The following RALGPS1 variants were observed in gnomAD, a reference collection of about 807,000 sequenced individuals.
RALGPS1 encodes Ral GEF with PH domain and SH3 binding motif 1.
In RALGPS1, 19 loss-of-function variants were observed where a neutral mutation model predicts 78.8. The observed-to-expected ratio is 0.24, with a 90% CI of 0.17 to 0.35. The LOEUF (loss-of-function observed/expected upper bound fraction) is 0.35, where lower values mean the gene tolerates loss of function less well. Among genes scored for constraint, RALGPS1 ranks in the 10% least tolerant of loss-of-function variants. The pLI is 1.00. For synonymous variants in RALGPS1, 228 were observed against 256.3 expected, an observed-to-expected ratio of 0.89 and a Z score of 1.06; for missense variants, 454 against 688.3, an observed-to-expected ratio of 0.66 and a Z score of 3.81.
chr9:127,084,847 A>G (rs1027822860), intron 8 of RALGPS1, among the ~76,000 whole-genome samples: 1 of 152,250 alleles, frequency 6.6e-6, no homozygotes, highest in African/African-American at 2.4e-5. Context: ...AGTGAGGCAG[A>G]AAGAGCGCCT....
chr9:126,954,634 A>T (rs1254038018), intron 1 of RALGPS1, among the ~76,000 whole-genome samples: 1 of 152,110 alleles, frequency 6.6e-6, no homozygotes, highest in Non-Finnish European at 1.5e-5. Context: ...TAAAAATACA[A>T]AAATTAGCCG....
At chr9:127,144,299 T>G (rs939838349) in intron 8 of RALGPS1, among the ~76,000 whole-genome samples, 1 of 152,232 alleles carries the variant, frequency 6.6e-6, no homozygotes, top group South Asian at 2.1e-4. Context: ...CATGGACGAT[T>G]CGTGCAGGAA....
chr9:127,159,799 A>G lies in RALGPS1; in HGVS notation c.611-6270A>G, dbSNP rs1165504657. Among the ~76,000 whole-genome samples the G allele has an allele frequency of 2.6e-5, 4 of 152,208 alleles. No individual in the cohort carries two copies. In the East Asian group the frequency reaches 7.7e-4, roughly 29 times the overall value. ...CATTTGGAATTTATCAGGACAGTTTATGTGATCAAACCACACAAATATAGT... is the reference window on the plus strand; with the variant it reads ...CATTTGGAATTTATCAGGACAGTTTGTGTGATCAAACCACACAAATATAGT... On this transcript the variant is annotated intron_variant, in intron 8 of 18. Coordinates refer to ENST00000259351, the MANE Select transcript of RALGPS1 (RefSeq NM_014636.3).
chr9:127,043,489 C>T (rs1394978945), intron 5 of RALGPS1, among the ~76,000 whole-genome samples: 1 of 150,780 alleles, frequency 6.6e-6, no homozygotes, highest in Non-Finnish European at 1.5e-5. Context: ...AGGTAAAAGA[C>T]AAAACTATAA....
In RALGPS1 at chr9:127,211,990, C is replaced by G; in HGVS notation, c.1248-141C>G. On this transcript the variant is annotated intron_variant, in intron 14 of 18. Coordinates refer to ENST00000259351, the MANE Select transcript of RALGPS1 (RefSeq NM_014636.3). The surrounding 1 kb of genome is among the most constrained non-coding windows in gnomAD (Gnocchi z 5.0). ...TGCGTTATCACCTGGCCCTCCCCTC[C>G]GGGCCTTGCTCTGCGCCGTTAAGTC... 2 of 627,450 alleles carry G rather than the reference C, an allele frequency of 3.2e-6. No individual in the cohort carries two copies. Among genetic ancestry groups the G allele is most frequent in the Non-Finnish European group, 5.4e-6 (2 of 372,858 alleles). 38.9% of individuals were successfully genotyped at this position (627,450 alleles called of 1,614,324 possible).
At chr9:127,053,992 G>C (rs970350623) in intron 7 of RALGPS1, among the ~76,000 whole-genome samples, 11 of 152,306 alleles carry the variant, frequency 7.2e-5, no homozygotes, top group Non-Finnish European at 1.2e-4. Flanking sequence ...TCAGTGCTTC[G>C]TGGAGTCCCA....
At chr9:126,979,948 C>T (rs1252854164) in intron 4 of RALGPS1, among the ~76,000 whole-genome samples, 1 of 152,160 alleles carries the variant, frequency 6.6e-6, no homozygotes, top group African/African-American at 2.4e-5. Context: ...GAAACCTAAT[C>T]AGCCCTATTT....
At chr9:127,197,060 A>G (rs940271680) in intron 13 of RALGPS1, among the ~76,000 whole-genome samples, 1 of 152,296 alleles carries the variant, frequency 6.6e-6, no homozygotes, top group African/African-American at 2.4e-5. Flanking sequence ...CTGGGTTCTC[A>G]CTGCGTACTT....
Position 127,211,077 on chromosome 9 carries a change from A to G in RALGPS1, c.1248-1054A>G, listed in dbSNP as rs1338066140. On this transcript the variant is annotated intron_variant, in intron 14 of 18. Transcript: ENST00000259351. The surrounding 1 kb of genome is among the most constrained non-coding windows in gnomAD (Gnocchi z 5.0). ...CAATGAGAATGTTCCCAGCAAAGGG[A>G]CAGCATGGGCTATGAGGCAGGAAGA... is the stretch of plus-strand genomic sequence containing the variant. Among the ~76,000 whole-genome samples the G allele has an allele frequency of 6.6e-6, 1 of 152,234 alleles. No individual in the cohort carries two copies. Among genetic ancestry groups the G allele is most frequent in the Non-Finnish European group, 1.5e-5 (1 of 68,036 alleles).
intron 3 of RALGPS1, among the ~76,000 whole-genome samples, chr9:126,972,024 C>T (rs2040167225): frequency 6.6e-6 from 1 of 152,188 alleles, no homozygotes; most frequent in Admixed American, 6.5e-5. Flanking sequence ...CTTGAAATAG[C>T]ATTTCTTACT....
intron 14 of RALGPS1, among the ~76,000 whole-genome samples, chr9:127,202,053 C>T (rs1309396910): frequency 3.9e-5 from 6 of 152,148 alleles, no homozygotes; most frequent in African/African-American, 7.2e-5. Flanking sequence ...AGCTCTGAAG[C>T]GCAGGGGCCA....
intron 1 of RALGPS1, among the ~76,000 whole-genome samples, chr9:126,952,648 A>AGTGTGTGTGT (rs1370007469): frequency 7.9e-5 from 6 of 75,530 alleles, no homozygotes; most frequent in Non-Finnish European, 2.0e-4. Flanking sequence ...AGAGAGAGAG[A>AGTGTGTGTGT]GAGAGAGAGT....
intron 4 of RALGPS1, among the ~76,000 whole-genome samples, chr9:126,991,066 G>A (rs2042240415): frequency 6.6e-6 from 1 of 152,168 alleles, no homozygotes; most frequent in African/African-American, 2.4e-5. Flanking sequence ...ACTCATTAGA[G>A]CTATCGTTAC....
At chr9:127,151,931 G>T (rs1344695615) in intron 8 of RALGPS1, among the ~76,000 whole-genome samples, 1 of 151,956 alleles carries the variant, frequency 6.6e-6, no homozygotes, top group Non-Finnish European at 1.5e-5. Context: ...CTTTTCATTG[G>T]CACTGAGGGA....
Position 127,034,453 on chromosome 9 carries a change from G to C in RALGPS1, c.239G>C (p.Ser80Thr). The C allele has an allele frequency of 6.2e-7, 1 of 1,614,132 alleles. No homozygotes were observed. Among genetic ancestry groups the C allele is most frequent in the South Asian group, 1.1e-5 (1 of 91,084 alleles). ...QPEELASCGW[S>T]KKEKHSLAPN... ...TAGGAACTAGCCAGCTGTGGATGGA[G>C]TAAGAAGGAGAAACACAGTCTTGCC... Residue 80 changes from serine (S) to threonine (T), a missense_variant, in exon 5 of 19, where the codon AGT becomes ACT. By Grantham distance (58) the Ser-to-Thr change is moderately conservative. Transcript: ENST00000259351.
At chr9:127,059,391 A>G (rs1188049066) in intron 7 of RALGPS1, among the ~76,000 whole-genome samples, 3 of 152,126 alleles carry the variant, frequency 2.0e-5, no homozygotes, top group African/African-American at 7.2e-5. Context: ...CTGGCTTGGA[A>G]CTGCTTCTCA....
At chr9:126,953,048 T>C (rs769142808) in intron 1 of RALGPS1, among the ~76,000 whole-genome samples, 2 of 152,218 alleles carry the variant, frequency 1.3e-5, no homozygotes, top group Non-Finnish European at 2.9e-5. Flanking sequence ...GTGATTATTA[T>C]GCCTTCTCAG....
chr9:127,066,662 A>G (rs1166680433), intron 7 of RALGPS1, among the ~76,000 whole-genome samples: 1 of 151,852 alleles, frequency 6.6e-6, no homozygotes, highest in Admixed American at 6.6e-5. Flanking sequence ...AACAAAACAA[A>G]CCACAATGGA....
At chr9:127,173,343 C>T (rs921876097) in intron 10 of RALGPS1, among the ~76,000 whole-genome samples, 3 of 152,170 alleles carry the variant, frequency 2.0e-5, no homozygotes, top group East Asian at 1.9e-4. Flanking sequence ...GATAAGGACC[C>T]CCACTCAGAC....
Sources: gnomAD v4.1 joint callset for allele counts (sites outside exome capture counted in the v4.1 genomes callset) on GRCh38, gnomAD v4.1.1 for gene constraint, Gnocchi (gnomAD v3.1) non-coding constraint, MANE v1.5 for transcripts, NCBI Gene and HGNC (gene_info 2026-07-23, HGNC 2026-07-21) for gene names.